L3MBTL4: variants seen among roughly 807,000 people sequenced by gnomAD.
L3MBTL4 encodes lethal(3)malignant brain tumor-like protein 4.
A neutral mutation model predicts 84.5 loss-of-function variants in L3MBTL4; 70 were observed. That is an observed-to-expected ratio of 0.83 (90% confidence interval 0.68 to 1.01). The LOEUF (loss-of-function observed/expected upper bound fraction) is 1.01. L3MBTL4 is among the 50% of genes least tolerant of loss of function. The pLI is 0.00. For synonymous variants in L3MBTL4, 274 were observed against 259.8 expected, an observed-to-expected ratio of 1.05 and a Z score of -0.52; for missense variants, 715 against 754.8, an observed-to-expected ratio of 0.95 and a Z score of 0.62.
At chr18:6,363,657 C>T (rs2053810405) in intron 1 of L3MBTL4, among the ~76,000 whole-genome samples, 1 of 152,066 alleles carries the variant, frequency 6.6e-6, no homozygotes, top group Non-Finnish European at 1.5e-5. Flanking sequence ...CAAGAAGAAA[C>T]GACTCTTTCT....
intron 16 of L3MBTL4, among the ~76,000 whole-genome samples, chr18:5,980,430 CTT>C (rs10664833): frequency 0.017 from 2,141 of 122,950 alleles, 55 homozygotes; most frequent in African/African-American, 0.055. Flanking sequence ...TTAGTTTGCG[CTT>C]TTTTTTTTTT....
At chr18:6,232,882 G>T (rs1432455397) in intron 10 of L3MBTL4, among the ~76,000 whole-genome samples, 2 of 151,786 alleles carry the variant, frequency 1.3e-5, no homozygotes, top group African/African-American at 4.8e-5. Flanking sequence ...ATAATTTTTT[G>T]AAAGGATTTC....
intron 16 of L3MBTL4, among the ~76,000 whole-genome samples, chr18:6,026,142 C>A (rs1044294923): frequency 1.3e-5 from 2 of 152,140 alleles, no homozygotes; most frequent in East Asian, 1.9e-4. Flanking sequence ...AATGAACATT[C>A]TTTTAGCCTT....
rs895293656 is a variant in L3MBTL4 at position 5,960,162 on chromosome 18, G to C, written c.1615-6C>G. The C allele has an allele frequency of 6.3e-7, 1 of 1,584,304 alleles. No individual in the cohort carries two copies. The highest frequency in any genetic ancestry group is 8.6e-7 in the Non-Finnish European group (1 of 1,162,048). ...GACTGTACAAACTCAGCCACCTACA[G>C]TGCGAGATGAAAAGCCTAATTTAAT... On this transcript the variant is annotated splice_polypyrimidine_tract_variant and splice_region_variant and intron_variant, in intron 17 of 18. Transcript: ENST00000317931.
At chr18:6,022,258 C>T (rs553367579) in intron 16 of L3MBTL4, among the ~76,000 whole-genome samples, 1 of 152,278 alleles carries the variant, frequency 6.6e-6, no homozygotes, top group Admixed American at 6.5e-5. Flanking sequence ...CAAATGGCAG[C>T]TCAATCCCTT....
chr18:6,408,641 C>T (rs1051223955), intron 1 of L3MBTL4, among the ~76,000 whole-genome samples: 1 of 152,060 alleles, frequency 6.6e-6, no homozygotes, highest in Non-Finnish European at 1.5e-5. Flanking sequence ...CTATTTCTCA[C>T]AGTAGACAAA....
chr18:6,373,671 T>C (rs2054252402), intron 1 of L3MBTL4, among the ~76,000 whole-genome samples: 1 of 152,084 alleles, frequency 6.6e-6, no homozygotes, highest in Admixed American at 6.5e-5. Flanking sequence ...AAAATACATC[T>C]TCGAGTGAAT....
intron 10 of L3MBTL4, 93 bp downstream of exon 10, chr18:6,237,871 T>C: frequency 4.5e-6 from 4 of 881,986 alleles, no homozygotes; most frequent in South Asian, 4.0e-5. Context: ...TAAATAGATA[T>C]GTATTAAAAT....
chr18:6,267,426 GTT>G (rs1402363015), intron 4 of L3MBTL4, among the ~76,000 whole-genome samples: 1 of 152,180 alleles, frequency 6.6e-6, no homozygotes, highest in African/African-American at 2.4e-5. Context: ...GGTTTGCACT[GTT>G]TCTGCCACGA....
chr18:6,349,107 A>T (rs182348871), intron 1 of L3MBTL4, among the ~76,000 whole-genome samples: 1 of 152,360 alleles, frequency 6.6e-6, no homozygotes, highest in African/African-American at 2.4e-5. Context: ...TGTCATGTAA[A>T]TTAGAACAAC....
At chr18:6,164,178 C>T (rs537224162) in intron 13 of L3MBTL4, among the ~76,000 whole-genome samples, 25 of 152,294 alleles carry the variant, frequency 1.6e-4, no homozygotes, top group African/African-American at 5.8e-4. Flanking sequence ...AACAAAGAGG[C>T]CAGGAAGCTG....
intron 16 of L3MBTL4, among the ~76,000 whole-genome samples, chr18:6,004,586 T>A (rs575690353): frequency 2.0e-5 from 3 of 152,196 alleles, no homozygotes; most frequent in Non-Finnish European, 4.4e-5. Context: ...TGATCTTACA[T>A]GTAGAAAACC....
chr18:6,137,379 A>C (rs1301049826), intron 14 of L3MBTL4, among the ~76,000 whole-genome samples: 1 of 152,210 alleles, frequency 6.6e-6, no homozygotes, highest in Non-Finnish European at 1.5e-5. Flanking sequence ...TTCAGTTAAA[A>C]ATGTTTTAGG....
chr18:6,283,940 G>A (rs1599475562), intron 4 of L3MBTL4, among the ~76,000 whole-genome samples: 1 of 152,184 alleles, frequency 6.6e-6, no homozygotes, highest in Non-Finnish European at 1.5e-5. Context: ...TTTCTAAAAG[G>A]TAAGATTTCT....
chr18:6,359,625 G>T (rs995816562), intron 1 of L3MBTL4, among the ~76,000 whole-genome samples: 1 of 151,602 alleles, frequency 6.6e-6, no homozygotes, highest in Non-Finnish European at 1.5e-5. Flanking sequence ...TAAGTTGTTT[G>T]TTCTAGGGAT....
chr18:6,367,054 A>AG (rs2053966612), intron 1 of L3MBTL4, among the ~76,000 whole-genome samples: 1 of 152,190 alleles, frequency 6.6e-6, no homozygotes, highest in African/African-American at 2.4e-5. Flanking sequence ...CAAGGCCAGG[A>AG]GGGGGGCTCC....
chr18:6,173,217 A>G (rs1311455456), intron 12 of L3MBTL4, among the ~76,000 whole-genome samples: 1 of 152,202 alleles, frequency 6.6e-6, no homozygotes, highest in East Asian at 1.9e-4. Flanking sequence ...GTGCCCTTTC[A>G]TAGTAATAAC....
intron 13 of L3MBTL4, among the ~76,000 whole-genome samples, chr18:6,160,636 C>A (rs779591171): frequency 6.7e-6 from 1 of 149,108 alleles, no homozygotes; most frequent in African/African-American, 2.5e-5. Context: ...GAGTATGAGA[C>A]AGGAGAATCA....
intron 16 of L3MBTL4, among the ~76,000 whole-genome samples, chr18:6,060,301 C>T (rs2057163779): frequency 6.6e-6 from 1 of 152,130 alleles, no homozygotes; most frequent in Admixed American, 6.6e-5. Flanking sequence ...TCCAGTTTGT[C>T]CTATTCCTCT....
Sources: allele counts gnomAD v4.1 joint callset (sites outside exome capture counted in the v4.1 genomes callset), GRCh38; gene constraint gnomAD v4.1.1; transcripts MANE v1.5; gene names NCBI Gene and HGNC (gene_info 2026-07-23, HGNC 2026-07-21).